ULK4: variants seen among roughly 807,000 people sequenced by gnomAD.
ULK4 encodes the protein unc-51 like kinase 4, also known as inactive serine/threonine-protein kinase ULK4.
ULK4 carries 133 observed loss-of-function variants against 160.6 expected under a neutral mutation model. The ratio of observed to expected loss-of-function variants is 0.83; its 90% CI spans 0.72 to 0.96. The LOEUF is 0.96. ULK4 is among the 40% of genes least tolerant of loss of function. The pLI is 0.00. For synonymous variants in ULK4, 534 were observed against 539.8 expected (o/e 0.99, Z 0.15); for missense variants, 1,580 against 1,499.5 (o/e 1.05, Z -0.89).
intron 34 of ULK4, among the ~76,000 whole-genome samples, chr3:41,411,366 G>A (rs1010076593): frequency 6.6e-6 from 1 of 151,526 alleles, no homozygotes; most frequent in African/African-American, 2.4e-5. Context: ...GGCTTTATCT[G>A]CATGTTAAAA....
rs964617718 is a variant in ULK4, at chr3:41,463,197, C to T, written c.3283G>A (p.Val1095Met). The T allele has an allele frequency of 1.9e-6, 3 of 1,613,562 alleles. No individual in the cohort carries two copies. Among genetic ancestry groups the T allele is most frequent in the Admixed American group, 1.7e-5 (1 of 59,992 alleles). The change falls in exon 33 of 37, where the codon GTG becomes ATG. Residue 1095 changes from valine (V) to methionine (M), a missense_variant. By Grantham distance (21) the Val-to-Met change is conservative. Coordinates refer to ENST00000301831, the MANE Select transcript of ULK4 (RefSeq NM_017886.4). ...LTETATLCLD[V>M]DNKNNNEMAA... Reference sequence around the variant, plus strand: ...ATCTCATTGTTGTTTTTATTGTCCACATCCAAGCACAGTGTGGCAGTTTCA... The same window carrying T: ...ATCTCATTGTTGTTTTTATTGTCCATATCCAAGCACAGTGTGGCAGTTTCA...
chr3:41,378,551 A>G (rs1381606273), intron 35 of ULK4, among the ~76,000 whole-genome samples: 6 of 151,522 alleles, frequency 4.0e-5, no homozygotes, highest in African/African-American at 7.3e-5. Context: ...CAAGCACCAC[A>G]TGTTCTCACT....
intron 1 of ULK4, chr3:41,955,851 G>A (rs1354735935): frequency 6.6e-6 from 1 of 151,322 alleles, no homozygotes; most frequent in Admixed American, 6.6e-5. Flanking sequence ...AACAAAATCA[G>A]GGTATGAATT....
At chr3:41,546,080 T>C (rs144709943) in intron 32 of ULK4, among the ~76,000 whole-genome samples, 25 of 152,314 alleles carry the variant, frequency 1.6e-4, no homozygotes, top group African/African-American at 4.6e-4. Context: ...CTGGGTAATA[T>C]TGGGTTTTGT....
Position 41,477,606 on chromosome 3 carries a change from T to G in ULK4, c.3227-14353A>C, listed in dbSNP as rs199516670. Among the ~76,000 whole-genome samples, 3 of 152,200 alleles carry G rather than the reference T, an allele frequency of 2.0e-5. No homozygotes were observed. The East Asian group carries it at 5.8e-4, about 29-fold the overall frequency. The stretch of plus-strand genomic sequence containing the variant: ...AATTCTTTCCCAAACTGATCAATGA[T>G]TAACCACTAAAACCAGAAGTCACAT... On this transcript the variant is annotated intron_variant, in intron 32 of 36. Coordinates refer to ENST00000301831, the MANE Select transcript of ULK4 (RefSeq NM_017886.4).
intron 35 of ULK4, among the ~76,000 whole-genome samples, chr3:41,390,685 G>A (rs1192095379): frequency 1.3e-5 from 2 of 151,742 alleles, no homozygotes; most frequent in Non-Finnish European, 2.9e-5. Flanking sequence ...TTTTGAGTGA[G>A]TTTCTTAATC....
intron 29 of ULK4, among the ~76,000 whole-genome samples, chr3:41,679,675 CA>C (rs1186506907): frequency 1.4e-4 from 21 of 152,140 alleles, no homozygotes; most frequent in African/African-American, 5.1e-4. Flanking sequence ...TTTTATTTCA[CA>C]AACTGTTCCA....
chr3:41,946,526 C>A (rs1043097931), intron 2 of ULK4, among the ~76,000 whole-genome samples: 2 of 152,154 alleles, frequency 1.3e-5, no homozygotes, highest in African/African-American at 4.8e-5. Context: ...CCTTAAGACC[C>A]CAAAGATCCC....
At chr3:41,942,193 A>G (rs903676472) in intron 2 of ULK4, among the ~76,000 whole-genome samples, 8 of 152,158 alleles carry the variant, frequency 5.3e-5, no homozygotes, top group African/African-American at 1.9e-4. Flanking sequence ...TATTCTGAAG[A>G]CTTCATACCA....
intron 20 of ULK4, among the ~76,000 whole-genome samples, chr3:41,794,267 C>A (rs1164686092): frequency 6.6e-6 from 1 of 152,160 alleles, no homozygotes; most frequent in South Asian, 2.1e-4. Flanking sequence ...CCTCCACCTG[C>A]TCATTCATTC....
intron 31 of ULK4, among the ~76,000 whole-genome samples, chr3:41,576,802 C>G (rs2088205431): frequency 6.6e-6 from 1 of 152,168 alleles, no homozygotes; most frequent in Admixed American, 6.5e-5. Context: ...TGGTCAAGCA[C>G]TCATGAAGCA....
Position 41,810,655 on chromosome 3 carries a change from A to T in ULK4, c.1848+8768T>A, listed in dbSNP as rs541182137. 5.3e-5 allele frequency among the ~76,000 whole-genome samples: 8 copies of T among 152,306 alleles called. No homozygotes were observed. In the East Asian group the frequency reaches 1.5e-3, roughly 29 times the overall value. On this transcript the variant is annotated intron_variant, in intron 19 of 36. Transcript: ENST00000301831. ...CTTAATGAGACCCTATCTCTATTTTAAAAAATTTAAGACAAAAATAAAGTT... is the reference window on the plus strand; with the variant it reads ...CTTAATGAGACCCTATCTCTATTTTTAAAAATTTAAGACAAAAATAAAGTT...
intron 17 of ULK4, among the ~76,000 whole-genome samples, chr3:41,868,646 TA>T (rs1696985770): frequency 6.9e-6 from 1 of 145,624 alleles, no homozygotes; most frequent in Non-Finnish European, 1.5e-5. Context: ...TGCACCATCA[TA>T]TCCACCTAAT....
intron 30 of ULK4, among the ~76,000 whole-genome samples, chr3:41,659,905 G>A (rs1181399652): frequency 1.3e-5 from 2 of 152,102 alleles, no homozygotes; most frequent in African/African-American, 2.4e-5. Flanking sequence ...AGCTCTCTAT[G>A]TATTGATACA....
intron 32 of ULK4, among the ~76,000 whole-genome samples, chr3:41,479,080 T>A (rs981354933): frequency 6.6e-6 from 1 of 152,204 alleles, no homozygotes; most frequent in African/African-American, 2.4e-5. Context: ...CCCAAAAACC[T>A]GAAAGCTTTA....
chr3:41,824,465 C>G (rs1057452061), intron 18 of ULK4, among the ~76,000 whole-genome samples: 7 of 152,128 alleles, frequency 4.6e-5, no homozygotes, highest in Non-Finnish European at 8.8e-5. Flanking sequence ...TCACTCGCAC[C>G]CTAATACTGC....
intron 35 of ULK4, among the ~76,000 whole-genome samples, chr3:41,305,311 G>A (rs1158620297): frequency 1.3e-5 from 2 of 151,858 alleles, no homozygotes; most frequent in Non-Finnish European, 2.9e-5. Flanking sequence ...CTGCCATCTC[G>A]GCTCACTGCA....
At chr3:41,701,258 T>G (rs984355624) in intron 27 of ULK4, among the ~76,000 whole-genome samples, 3 of 151,984 alleles carry the variant, frequency 2.0e-5, no homozygotes, top group Non-Finnish European at 4.4e-5. Context: ...AAAAAAGAAA[T>G]TTATATTTAG....
chr3:41,379,698 A>T (rs1369321993), intron 35 of ULK4, among the ~76,000 whole-genome samples: 1 of 152,120 alleles, frequency 6.6e-6, no homozygotes, highest in Admixed American at 6.5e-5. Context: ...GTTTAGCTCA[A>T]CCTTACTCAT....
Sources: allele counts gnomAD v4.1 joint callset (sites outside exome capture counted in the v4.1 genomes callset), GRCh38; gene constraint gnomAD v4.1.1; transcripts MANE v1.5; gene names NCBI Gene and HGNC (gene_info 2026-07-23, HGNC 2026-07-21).